The following DLG5 variants were observed in gnomAD, a reference collection of about 807,000 sequenced individuals.
The protein encoded by DLG5 is disks large homolog 5.
Under a neutral mutation model 189.8 loss-of-function variants are expected in DLG5, and 48 were observed. That is an observed-to-expected ratio of 0.25 (90% CI 0.20 to 0.32). The LOEUF is 0.32. Among genes scored for constraint, DLG5 ranks in the 10% least tolerant of loss-of-function variants. The pLI is 1.00. For synonymous variants in DLG5, 1,016 were observed against 1,054.1 expected (o/e 0.96, Z 0.70); for missense variants, 2,160 against 2,544.7 (o/e 0.85, Z 3.25).
intron 2 of DLG5, among the ~76,000 whole-genome samples, chr10:77,865,220 T>A (rs1844625680): frequency 6.6e-6 from 1 of 152,060 alleles, no homozygotes; most frequent in African/African-American, 2.4e-5. Context: ...TCCCTATGAG[T>A]ACCAAACACC....
chr10:77,900,263 C>T (rs1375262707), intron 1 of DLG5, among the ~76,000 whole-genome samples: 1 of 152,128 alleles, frequency 6.6e-6, no homozygotes, highest in Non-Finnish European at 1.5e-5. Context: ...ACCTCCTCTC[C>T]AGGTCATCTC....
intron 3 of DLG5, among the ~76,000 whole-genome samples, chr10:77,854,813 C>A (rs932914109): frequency 1.3e-5 from 2 of 151,888 alleles, no homozygotes; most frequent in African/African-American, 2.4e-5. Flanking sequence ...TGGTGAAACC[C>A]CGCCTCCACA....
At chr10:77,921,491 A>G (rs986585620) in intron 1 of DLG5, among the ~76,000 whole-genome samples, 1 of 152,224 alleles carries the variant, frequency 6.6e-6, no homozygotes, top group Non-Finnish European at 1.5e-5. Flanking sequence ...TACAATGCCT[A>G]AATTCAAACC....
intron 5 of DLG5, among the ~76,000 whole-genome samples, chr10:77,850,459 T>G (rs1041490567): frequency 1.3e-5 from 2 of 152,256 alleles, no homozygotes; most frequent in South Asian, 2.1e-4. Context: ...AGTAGACCTT[T>G]GGGTTGTTAC....
At chr10:77,940,220 G>A in the DLG5 span, among the ~76,000 whole-genome samples, 1 of 152,126 alleles carries the variant, frequency 6.6e-6, no homozygotes, top group Non-Finnish European at 1.5e-5. Flanking sequence ...GATGTCAACA[G>A]CCTCCAATCA....
chr10:77,894,558 T>A (rs1564581024), intron 1 of DLG5, among the ~76,000 whole-genome samples: 1 of 150,116 alleles, frequency 6.7e-6, no homozygotes, highest in Non-Finnish European at 1.5e-5. Flanking sequence ...TTTTTTTTTT[T>A]TTTTTTGATG....
intron 1 of DLG5, among the ~76,000 whole-genome samples, chr10:77,876,707 A>AGGGAGGGAGGGGGGGAGGG (rs1554827477): frequency 1.4e-5 from 1 of 69,904 alleles, no homozygotes; most frequent in Non-Finnish European, 2.6e-5. Context: ...GGAAGGAAGG[A>AGGGAGGGAGGGGGGGAGGG]AGGGAGGGAG....
intron 1 of DLG5, among the ~76,000 whole-genome samples, chr10:77,915,057 G>A (rs1172991592): frequency 2.6e-5 from 4 of 152,168 alleles, no homozygotes; most frequent in Non-Finnish European, 4.4e-5. Context: ...GGCTGGGCAC[G>A]GTGGCTTGCA....
At chr10:77,883,691 CTTT>C (rs36028891) in intron 1 of DLG5, among the ~76,000 whole-genome samples, 4 of 96,458 alleles carry the variant, frequency 4.1e-5, no homozygotes, top group Non-Finnish European at 3.9e-5. Flanking sequence ...TAACATTGTT[CTTT>C]TTTTTTTTTT....
intron 1 of DLG5, among the ~76,000 whole-genome samples, chr10:77,882,426 T>A (rs1284218879): frequency 6.6e-6 from 1 of 152,148 alleles, no homozygotes; most frequent in Non-Finnish European, 1.5e-5. Flanking sequence ...TGATCCATTT[T>A]TCACCTCCTC....
rs41274580 is a variant in DLG5 at position 77,805,813 on chromosome 10, A to T, written c.5016T>A (p.Asp1672Glu). 3.7e-6 allele frequency: 6 copies of T among 1,614,030 alleles called. No individual in the cohort carries two copies. Among genetic ancestry groups the T allele is most frequent in the Non-Finnish European group, 5.1e-6 (6 of 1,180,010 alleles). Residue 1672 changes from aspartate (D) to glutamate (E), a missense_variant, in exon 27 of 32, where the codon GAT (aspartate) becomes GAA (glutamate). Physicochemically the swap from Asp to Glu is conservative, Grantham distance 45. Transcript: ENST00000372391. ...ACAGCGTCTTTGTGGCGCTATTGTC[A>T]TCTTTGACTTCAGACATGCTGAGCC... ...SRRLSMSEVK[D>E]DNSATKTLSA...
the DLG5 span, among the ~76,000 whole-genome samples, chr10:77,932,995 C>A: frequency 6.6e-6 from 1 of 152,156 alleles, no homozygotes; most frequent in Non-Finnish European, 1.5e-5. Flanking sequence ...AAATTCAGAC[C>A]TAAACTGATG....
chr10:77,869,048 C>G, intron 2 of DLG5, 81 bp downstream of exon 2: 1 of 1,153,352 alleles, frequency 8.7e-7, no homozygotes, highest in Non-Finnish European at 1.3e-6. Flanking sequence ...AACCAGCTTC[C>G]TCTCCCATGA....
intron 5 of DLG5, among the ~76,000 whole-genome samples, chr10:77,847,204 T>C (rs1397660047): frequency 6.6e-6 from 1 of 152,022 alleles, no homozygotes; most frequent in Admixed American, 6.5e-5. Context: ...CTTCATAACA[T>C]GGTAGGATCC....
intron 2 of DLG5, among the ~76,000 whole-genome samples, chr10:77,863,224 TG>T (rs1345003223): frequency 1.3e-5 from 2 of 152,074 alleles, no homozygotes; most frequent in Non-Finnish European, 2.9e-5. Flanking sequence ...CCCAAGCAGC[TG>T]GGACTACAGG....
At chr10:77,905,916 T>C (rs1272876994) in intron 1 of DLG5, among the ~76,000 whole-genome samples, 3 of 152,240 alleles carry the variant, frequency 2.0e-5, no homozygotes, top group Non-Finnish European at 1.5e-5. Context: ...GCACCATCCA[T>C]GCTCTATTTC....
chr10:77,801,630 AC>A (rs1841209521), intron 27 of DLG5, among the ~76,000 whole-genome samples: 1 of 152,180 alleles, frequency 6.6e-6, no homozygotes, highest in Admixed American at 6.5e-5. Flanking sequence ...AGAAAACCAC[AC>A]GGGGGAAGCA....
At chr10:77,919,256 T>C (rs1201813825) in intron 1 of DLG5, among the ~76,000 whole-genome samples, 1 of 151,994 alleles carries the variant, frequency 6.6e-6, no homozygotes, top group Non-Finnish European at 1.5e-5. Context: ...AAAATATTTA[T>C]CCTACTCTGC....
intron 3 of DLG5, among the ~76,000 whole-genome samples, chr10:77,855,412 C>T (rs1361821616): frequency 6.6e-6 from 1 of 152,236 alleles, no homozygotes; most frequent in Non-Finnish European, 1.5e-5. Flanking sequence ...GTTTGAGGAC[C>T]CTTTTTCTAG....
Sources: gnomAD v4.1 joint callset for allele counts (sites outside exome capture counted in the v4.1 genomes callset) on GRCh38, gnomAD v4.1.1 for gene constraint, MANE v1.5 for transcripts, NCBI Gene and HGNC (gene_info 2026-07-23, HGNC 2026-07-21) for gene names.